CHFR: variants seen among roughly 807,000 people sequenced by gnomAD.
The protein encoded by CHFR is checkpoint with forkhead and ring finger domains, also known as E3 ubiquitin-protein ligase CHFR.
Under a neutral mutation model 87.6 loss-of-function variants are expected in CHFR, and 57 were observed. The ratio of observed to expected loss-of-function variants is 0.65; its 90% CI spans 0.53 to 0.81. The LOEUF (loss-of-function observed/expected upper bound fraction) is 0.81, where lower values mean the gene tolerates loss of function less well. Ranked by LOEUF, CHFR falls within the 30% of genes least tolerant of loss-of-function variation. The pLI is 0.00. For missense variants in CHFR, 797 were observed against 865.8 expected (o/e 0.92, Z 1.00); for synonymous variants, 381 against 359.2 (o/e 1.06, Z -0.69).
Position 132,877,663 on chromosome 12 carries a change from G to T in CHFR, c.134-9C>A. The T allele has an allele frequency of 1.3e-6, 2 of 1,588,350 alleles. No homozygotes were observed. The highest frequency in any genetic ancestry group is 2.2e-5 in the East Asian group (1 of 44,712). On this transcript the variant is annotated splice_polypyrimidine_tract_variant and intron_variant, in intron 2 of 17. Transcript: ENST00000450056. The stretch of plus-strand genomic sequence containing the variant: ...GAAGGAAAGGTCGCAACCTAAAAAA[G>T]AGAGGGTGGGTCAACACGGGATATG...
chr12:132,836,674 G>A lies in CHFR; in HGVS notation c.*4880C>T, dbSNP rs1950649137. The A allele has an allele frequency of 2.2e-6, 1 of 456,000 alleles. No individual in the cohort carries two copies. The highest frequency in any genetic ancestry group is 2.3e-5 in the Admixed American group (1 of 42,554). 28.2% of individuals were successfully genotyped at this position (456,000 alleles called of 1,614,324 possible). A position where few individuals can be genotyped will look rare whatever the true frequency, so the allele number is the denominator to read the frequency against. ...GCACGACCAAGTGTCTGCTCTGTGT[G>A]AGGAACTTTAAGACCCCACCATCTA... is the stretch of plus-strand genomic sequence containing the variant. On this transcript the variant is annotated 3_prime_UTR_variant, in exon 18 of 18. Transcript: ENST00000450056.
Position 132,887,263 on chromosome 12 carries a change from C to T in CHFR, c.66G>A (p.Leu22=). 6.7e-7 allele frequency: 1 copy of T among 1,501,964 alleles called. No individual in the cohort carries two copies. Among genetic ancestry groups the T allele is most frequent in the Non-Finnish European group, 8.8e-7 (1 of 1,132,478 alleles). 93.0% of individuals were successfully genotyped at this position (1,501,964 alleles called of 1,614,324 possible). The change falls in exon 2 of 18, where the codon CTG becomes CTA. Residue 22 remains leucine (L), a synonymous_variant. Coordinates refer to ENST00000450056, the MANE Select transcript of CHFR (RefSeq NM_001161346.2). The stretch of plus-strand genomic sequence containing the variant: ...CGTGCGGCTCGCCCTCCTCCGCGCC[C>T]AGACGCAGGAGCCGTCCCCAGGGCT... ...PPQPWGRLLR[L]GAEEGEPHVL...
intron 13 of CHFR, 103 bp from the exon 14 acceptor site, chr12:132,848,258 C>T: frequency 6.4e-7 from 1 of 1,567,822 alleles, no homozygotes; most frequent in Non-Finnish European, 8.7e-7. Context: ...ATTACAGATT[C>T]TAGAAAGAAT....
Position 132,847,103 on chromosome 12 carries a change from A to G in CHFR, c.1675T>C (p.Trp559Arg), listed in dbSNP as rs1281285798. 6.2e-7 allele frequency: 1 copy of G among 1,613,852 alleles called. No individual in the cohort carries two copies. The highest frequency in any genetic ancestry group is 8.5e-7 in the Non-Finnish European group (1 of 1,179,870). Residue 559 changes from tryptophan to arginine, a missense_variant, in exon 15 of 18, where the codon TGG (tryptophan) becomes CGG (arginine). This residue lies in a region of CHFR where 200 missense variants were observed against 264.6 expected (regional missense o/e 0.76). Coordinates refer to ENST00000450056, the MANE Select transcript of CHFR (RefSeq NM_001161346.2). ...AGGCTCTCGGTCAACATGTTTTTCCATGTCAAACCTCTGGTTGCCAGGTAA... is the reference window on the plus strand; with the variant it reads ...AGGCTCTCGGTCAACATGTTTTTCCGTGTCAAACCTCTGGTTGCCAGGTAA... ...KNYLATRGLT[W>R]KNMLTESLVA...
intron 15 of CHFR, among the ~76,000 whole-genome samples, chr12:132,844,821 T>G (rs1482533568): frequency 6.6e-6 from 1 of 151,034 alleles, no homozygotes; most frequent in Non-Finnish European, 1.5e-5. Flanking sequence ...TTAGTAGAGA[T>G]GGGGTTTCAC....
At chr12:132,859,906 A>G (rs1951177062) in intron 7 of CHFR, among the ~76,000 whole-genome samples, 1 of 152,004 alleles carries the variant, frequency 6.6e-6, no homozygotes, top group Non-Finnish European at 1.5e-5. Flanking sequence ...TTAGCCAGCT[A>G]TGGTAGCGTG....
chr12:132,880,054 C>A (rs1056030241), intron 2 of CHFR, among the ~76,000 whole-genome samples: 7 of 152,164 alleles, frequency 4.6e-5, no homozygotes, highest in African/African-American at 1.7e-4. Flanking sequence ...GGCTTGTAGA[C>A]ACTGACAAGC....
At chr12:132,850,327 G>A (rs543752956) in intron 12 of CHFR, among the ~76,000 whole-genome samples, 2 of 152,226 alleles carry the variant, frequency 1.3e-5, no homozygotes, top group South Asian at 2.1e-4. Flanking sequence ...GTCTTATAAC[G>A]CCTACGACCA....
chr12:132,853,424 G>A lies in CHFR; in HGVS notation c.1372+7C>T, dbSNP rs754422976. ...GAAGGCTGAGGCCTGAGGGCGGCGC[G>A]GCTCACCTGTCGTCAGGCTGACGGA... On this transcript the variant is annotated splice_region_variant and intron_variant, in intron 11 of 17. Coordinates refer to ENST00000450056, the MANE Select transcript of CHFR (RefSeq NM_001161346.2). 38 of 1,516,802 alleles carry A rather than the reference G, an allele frequency of 2.5e-5. 1 individual carries two copies. The highest frequency in any genetic ancestry group is 1.3e-4 in the South Asian group (10 of 78,512). The allele number at this position is 1,516,802 out of a possible 1,614,324, so 94.0% of individuals were successfully genotyped here.
At chr12:132,863,096 C>T (rs1951253042) in intron 6 of CHFR, among the ~76,000 whole-genome samples, 1 of 149,822 alleles carries the variant, frequency 6.7e-6, no homozygotes, top group Non-Finnish European at 1.5e-5. Flanking sequence ...CAGGGTTTCA[C>T]CGTGTTAGCC....
In CHFR at chr12:132,848,967, G is replaced by C. The variant is rs1042623615; in HGVS notation, c.1493-243C>G. ...ATTTTCTGGTTTGTTATTTTTTAGA[G>C]ATGGAGTCTCGCTCTGTGGCCCAGG... is the stretch of plus-strand genomic sequence containing the variant. On this transcript the variant is annotated intron_variant, in intron 12 of 17. Coordinates refer to ENST00000450056, the MANE Select transcript of CHFR (RefSeq NM_001161346.2). 7.9e-6 allele frequency: 4 copies of C among 504,666 alleles called. No individual in the cohort carries two copies. In the South Asian group the frequency reaches 1.1e-4, roughly 14 times the overall value. The allele number at this position is 504,666 out of a possible 1,614,324, so 31.3% of individuals were successfully genotyped here.
intron 6 of CHFR, among the ~76,000 whole-genome samples, chr12:132,862,680 C>T (rs11609361): frequency 6.6e-6 from 1 of 151,644 alleles, no homozygotes; most frequent in African/African-American, 2.4e-5. Context: ...CCTGGGTTGA[C>T]GCCATTCTCC....
intron 2 of CHFR, among the ~76,000 whole-genome samples, chr12:132,880,441 A>G (rs1421120008): frequency 6.6e-6 from 1 of 151,948 alleles, no homozygotes; most frequent in Admixed American, 6.6e-5. Flanking sequence ...GGCGGATCAC[A>G]AGGTCAGGAG....
intron 8 of CHFR, 57 bp downstream of exon 8, chr12:132,859,010 AC>A: frequency 6.5e-7 from 1 of 1,544,704 alleles, no homozygotes; most frequent in Non-Finnish European, 8.8e-7. Context: ...CCTGCCCCAC[AC>A]GGGACGAAGA....
intron 15 of CHFR, among the ~76,000 whole-genome samples, chr12:132,844,700 A>G (rs1215257870): frequency 1.3e-5 from 2 of 151,256 alleles, no homozygotes; most frequent in East Asian, 3.9e-4. Context: ...GCGGGGTCTC[A>G]GCTCACTGCA....
chr12:132,876,387 C>CA (rs1360911283), intron 3 of CHFR, among the ~76,000 whole-genome samples: 3 of 151,990 alleles, frequency 2.0e-5, no homozygotes, highest in Non-Finnish European at 4.4e-5. Flanking sequence ...ACAAGACACT[C>CA]AAAAAAATAC....
At position 132,836,454 on chromosome 12, in the gene CHFR, G is replaced by C; in HGVS notation, c.*5100C>G. 1 of 318,674 alleles carries C rather than the reference G, an allele frequency of 3.1e-6. No individual in the cohort carries two copies. The highest frequency in any genetic ancestry group is 2.8e-5 in the African/African-American group (1 of 35,436). 19.7% of individuals were successfully genotyped at this position (318,674 alleles called of 1,614,324 possible). The stretch of plus-strand genomic sequence containing the variant: ...CCCAGCACGGCGCACGGCACTCACA[G>C]TGACAGGCTCCCAGCAGGGCGCACG... On this transcript the variant is annotated 3_prime_UTR_variant, in exon 18 of 18. Coordinates refer to ENST00000450056, the MANE Select transcript of CHFR (RefSeq NM_001161346.2).
intron 7 of CHFR, among the ~76,000 whole-genome samples, chr12:132,861,008 C>T (rs551653216): frequency 1.3e-5 from 2 of 152,320 alleles, no homozygotes; most frequent in African/African-American, 4.8e-5. Flanking sequence ...CCACCTTGGC[C>T]TCCCAAAGTG....
At chr12:132,849,296 C>T (rs551269244) in intron 12 of CHFR, 1 of 151,558 alleles carries the variant, frequency 6.6e-6, no homozygotes, top group Non-Finnish European at 1.5e-5. Flanking sequence ...GCGTGATGCA[C>T]TGCACCCGGC....
Sources: allele counts gnomAD v4.1 joint callset (sites outside exome capture counted in the v4.1 genomes callset), GRCh38; gene constraint gnomAD v4.1.1; regional missense constraint gnomAD v4.1.1; transcripts MANE v1.5; gene names NCBI Gene and HGNC (gene_info 2026-07-23, HGNC 2026-07-21).